Variants in NFATC2 observed in about 807,000 individuals in gnomAD.
NFATC2 encodes the protein nuclear factor of activated T cells 2.
In NFATC2, 22 loss-of-function variants were observed where a neutral mutation model predicts 87.3. The ratio of observed to expected loss-of-function variants is 0.25; its 90% CI spans 0.18 to 0.36. NFATC2 has a LOEUF of 0.36. Ranked by LOEUF, NFATC2 falls within the 10% of genes least tolerant of loss-of-function variation. NFATC2 has a pLI of 1.00. For synonymous variants in NFATC2, 565 were observed against 542.2 expected (o/e 1.04, Z -0.58); for missense variants, 1,149 against 1,259.1 (o/e 0.91, Z 1.32).
intron 3 of NFATC2, among the ~76,000 whole-genome samples, chr20:51,508,436 C>T (rs2076219889): frequency 6.6e-6 from 1 of 152,154 alleles, no homozygotes; most frequent in African/African-American, 2.4e-5. Flanking sequence ...CCACAACTGG[C>T]CCACGGGTGT....
chr20:51,425,798 A>C (rs181931245), intron 9 of NFATC2, among the ~76,000 whole-genome samples: 51 of 152,256 alleles, frequency 3.3e-4, no homozygotes, highest in African/African-American at 1.2e-3. Context: ...TTTCTCACGC[A>C]TTGGTGCACC....
At chr20:51,394,888 A>C (rs777869868) in intron 10 of NFATC2, among the ~76,000 whole-genome samples, 6 of 152,124 alleles carry the variant, frequency 3.9e-5, no homozygotes, top group Non-Finnish European at 7.4e-5. Context: ...GCCGCCCCAC[A>C]TTCCTGCCAT....
intron 3 of NFATC2, among the ~76,000 whole-genome samples, chr20:51,512,224 T>C (rs2076282903): frequency 6.6e-6 from 1 of 152,210 alleles, no homozygotes; most frequent in Non-Finnish European, 1.5e-5. Flanking sequence ...TCTCTTGTCA[T>C]GGTTTGTTCT....
At chr20:51,536,082 A>T (rs2076715063) in intron 1 of NFATC2, among the ~76,000 whole-genome samples, 1 of 152,254 alleles carries the variant, frequency 6.6e-6, no homozygotes, top group South Asian at 2.1e-4. Flanking sequence ...TGGAGAAAGA[A>T]ACAGAAAAAT....
chr20:51,397,042 C>T (rs1308748214), intron 10 of NFATC2, among the ~76,000 whole-genome samples: 2 of 81,830 alleles, frequency 2.4e-5, no homozygotes, highest in Admixed American at 2.1e-4. Flanking sequence ...AGGGAACCTG[C>T]CACCATGGCC....
chr20:51,449,181 C>A (rs1199877400), intron 6 of NFATC2, among the ~76,000 whole-genome samples: 4 of 152,196 alleles, frequency 2.6e-5, no homozygotes, highest in African/African-American at 9.6e-5. Flanking sequence ...CTGTTCCGCC[C>A]CGCCCCGCAG....
At chr20:51,406,740 C>T (rs1978372633) in intron 9 of NFATC2, among the ~76,000 whole-genome samples, 1 of 152,182 alleles carries the variant, frequency 6.6e-6, no homozygotes. Flanking sequence ...CATCTGCAGC[C>T]CACGTAAGCC....
chr20:51,412,282 T>C (rs1979369999), intron 9 of NFATC2, among the ~76,000 whole-genome samples: 1 of 151,996 alleles, frequency 6.6e-6, no homozygotes, highest in Non-Finnish European at 1.5e-5. Context: ...CTGGGGGTGA[T>C]TGGACTGGGG....
chr20:51,532,540 G>T (rs918580265), intron 1 of NFATC2, among the ~76,000 whole-genome samples: 1 of 152,140 alleles, frequency 6.6e-6, no homozygotes, highest in African/African-American at 2.4e-5. Context: ...CCCCAGGATT[G>T]AGTCAAAGAT....
At chr20:51,398,977 G>A in intron 9 of NFATC2, 2 of 432,032 alleles carry the variant, frequency 4.6e-6, no homozygotes, top group Non-Finnish European at 4.2e-6. Context: ...TGTGGGATCA[G>A]GGGAGCGTGT....
chr20:51,503,992 C>T (rs886935109), intron 3 of NFATC2, among the ~76,000 whole-genome samples: 1 of 152,048 alleles, frequency 6.6e-6, no homozygotes, highest in South Asian at 2.1e-4. Context: ...TACAAGCATG[C>T]ACCACCACAT....
chr20:51,510,063 G>C (rs750232603), intron 3 of NFATC2, among the ~76,000 whole-genome samples: 4 of 152,218 alleles, frequency 2.6e-5, no homozygotes, highest in Non-Finnish European at 5.9e-5. Context: ...GGACTCTTTG[G>C]AGGTGAGTGC....
intron 10 of NFATC2, among the ~76,000 whole-genome samples, chr20:51,397,594 GTCCTGAGGACACTC>G: frequency 6.6e-6 from 1 of 152,152 alleles, no homozygotes; most frequent in Non-Finnish European, 1.5e-5. Flanking sequence ...CGGATGCAAA[GTCCTGAGGACACTC>G]CTGAGGGACT....
At chr20:51,406,584 G>A (rs1046125866) in intron 9 of NFATC2, among the ~76,000 whole-genome samples, 2 of 152,182 alleles carry the variant, frequency 1.3e-5, no homozygotes, top group Non-Finnish European at 2.9e-5. Context: ...AGGCGCCCCG[G>A]CTTGCTTCCA....
chr20:51,555,689 C>T (rs1325022945), intron 1 of NFATC2, among the ~76,000 whole-genome samples: 1 of 152,180 alleles, frequency 6.6e-6, no homozygotes, highest in Non-Finnish European at 1.5e-5. Context: ...GGGCTCCTTG[C>T]TGTTCACTGA....
intron 10 of NFATC2, among the ~76,000 whole-genome samples, chr20:51,394,070 C>T (rs1986699463): frequency 6.6e-6 from 1 of 152,196 alleles, no homozygotes; most frequent in Non-Finnish European, 1.5e-5. Context: ...CTTAGACCTT[C>T]TTGCTATTGG....
chr20:51,484,695 T>C (rs567535082), intron 3 of NFATC2, among the ~76,000 whole-genome samples: 2 of 152,316 alleles, frequency 1.3e-5, no homozygotes, highest in African/African-American at 4.8e-5. Context: ...CAGCGACCAT[T>C]GTGTCACAGA....
At chr20:51,458,726 A>G (rs939143156) in intron 5 of NFATC2, among the ~76,000 whole-genome samples, 8 of 152,034 alleles carry the variant, frequency 5.3e-5, no homozygotes, top group African/African-American at 1.9e-4. Context: ...AGGCAGGAGA[A>G]TTGCTTGAAC....
chr20:51,490,174 CA>C (rs1253142415), intron 3 of NFATC2, among the ~76,000 whole-genome samples: 1 of 152,166 alleles, frequency 6.6e-6, no homozygotes, highest in Non-Finnish European at 1.5e-5. Context: ...TTGCTAAATA[CA>C]GGGCATTGTG....
Sources: allele counts gnomAD v4.1 joint callset (sites outside exome capture counted in the v4.1 genomes callset), GRCh38; gene constraint gnomAD v4.1.1; transcripts MANE v1.5; gene names NCBI Gene and HGNC (gene_info 2026-07-23, HGNC 2026-07-21).